Variants in REC114 observed in about 807,000 individuals in gnomAD.
REC114 encodes the protein REC114 meiotic recombination protein.
Under a neutral mutation model 31.3 loss-of-function variants are expected in REC114, and 27 were observed. The observed-to-expected ratio is 0.86, with a 90% confidence interval of 0.64 to 1.19. The LOEUF is 1.19. Ranked by LOEUF, REC114 falls within the 50% of genes most tolerant of loss-of-function variation. The probability of loss-of-function intolerance (pLI) is 0.00; values close to 1 mark genes in which losing one functional copy is unlikely to be tolerated. For missense variants in REC114, 344 were observed against 326.9 expected (o/e 1.05, Z -0.40); for synonymous variants, 134 against 127.7 (o/e 1.05, Z -0.33).
intron 3 of REC114, among the ~76,000 whole-genome samples, chr15:73,543,321 G>A (rs959327905): frequency 6.6e-5 from 10 of 152,084 alleles, no homozygotes; most frequent in East Asian, 1.9e-4. Context: ...GCCTGTTATT[G>A]TCAATGGTTT....
At chr15:73,552,563 A>C (rs1894407561) in intron 4 of REC114, among the ~76,000 whole-genome samples, 1 of 152,204 alleles carries the variant, frequency 6.6e-6, no homozygotes, top group Non-Finnish European at 1.5e-5. Flanking sequence ...AAGGCCTCAT[A>C]AGGGGTCTTG....
intron 2 of REC114, among the ~76,000 whole-genome samples, chr15:73,519,370 G>C (rs902421077): frequency 6.6e-6 from 1 of 152,120 alleles, no homozygotes; most frequent in Non-Finnish European, 1.5e-5. Flanking sequence ...GAATCTGCCA[G>C]CACCTTGATC....
At chr15:73,449,104 A>C (rs763539971) in intron 1 of REC114, among the ~76,000 whole-genome samples, 2 of 152,122 alleles carry the variant, frequency 1.3e-5, no homozygotes, top group Non-Finnish European at 2.9e-5. Flanking sequence ...AAAAGATCAC[A>C]ACGCCTCGCC....
At chr15:73,457,084 T>TTTTC (rs1422217854) in intron 1 of REC114, among the ~76,000 whole-genome samples, 1 of 150,984 alleles carries the variant, frequency 6.6e-6, no homozygotes, top group African/African-American at 2.4e-5. Flanking sequence ...TTTTTTTTTT[T>TTTTC]TTTCCAGATA....
chr15:73,553,017 G>A lies in REC114; in HGVS notation c.546+1867G>A, dbSNP rs567899578. Among the ~76,000 whole-genome samples the A allele has an allele frequency of 5.9e-5, 9 of 152,210 alleles. No individual in the cohort carries two copies. In the South Asian group the frequency reaches 1.9e-3, roughly 32 times the overall value. On this transcript the variant is annotated intron_variant, in intron 4 of 5. Transcript: ENST00000331090. ...TTTAATAGAGATGGGGTTTCATTAT[G>A]TTGGCCAAGCTGGTCTCGAACTCCT...
intron 3 of REC114, among the ~76,000 whole-genome samples, chr15:73,542,432 A>G (rs1185775927): frequency 6.6e-6 from 1 of 152,056 alleles, no homozygotes; most frequent in Non-Finnish European, 1.5e-5. Context: ...CATCTCGGTA[A>G]TTCTCCTGGC....
chr15:73,557,235 A>G (rs761082883), intron 5 of REC114, among the ~76,000 whole-genome samples: 10 of 151,512 alleles, frequency 6.6e-5, no homozygotes, highest in Admixed American at 1.3e-4. Context: ...ACGCCCAGCT[A>G]ATTTTTGTAT....
At chr15:73,498,638 A>G (rs998701621) in intron 2 of REC114, among the ~76,000 whole-genome samples, 2 of 152,192 alleles carry the variant, frequency 1.3e-5, no homozygotes, top group South Asian at 2.1e-4. Context: ...ATTTGTAACT[A>G]AAGAAAGATT....
chr15:73,554,002 C>A (rs987982686), intron 4 of REC114, among the ~76,000 whole-genome samples: 4 of 152,172 alleles, frequency 2.6e-5, no homozygotes, highest in Admixed American at 6.5e-5. Context: ...GTACCCAATA[C>A]AATGCCTGGC....
chr15:73,525,217 A>T (rs941951402), intron 2 of REC114, among the ~76,000 whole-genome samples: 14 of 152,076 alleles, frequency 9.2e-5, no homozygotes, highest in Admixed American at 3.9e-4. Context: ...TGCCTGTGGG[A>T]TCTGTTGTGC....
intron 2 of REC114, among the ~76,000 whole-genome samples, chr15:73,537,117 G>A (rs767627125): frequency 6.6e-5 from 10 of 152,264 alleles, no homozygotes; most frequent in East Asian, 5.8e-4. Flanking sequence ...CGAGCAAAAC[G>A]AACTTAGCCC....
intron 2 of REC114, among the ~76,000 whole-genome samples, chr15:73,492,168 T>C (rs1893456356): frequency 6.6e-6 from 1 of 152,192 alleles, no homozygotes; most frequent in South Asian, 2.1e-4. Context: ...TTCCAGTGAC[T>C]ACTACACACC....
chr15:73,506,945 G>C (rs1428631854), intron 2 of REC114, among the ~76,000 whole-genome samples: 1 of 152,082 alleles, frequency 6.6e-6, no homozygotes, highest in Non-Finnish European at 1.5e-5. Context: ...AAAAATTAAA[G>C]TCTTGGAGTG....
chr15:73,508,542 C>G (rs1893716368), intron 2 of REC114, among the ~76,000 whole-genome samples: 1 of 149,746 alleles, frequency 6.7e-6, no homozygotes, highest in African/African-American at 2.5e-5. Flanking sequence ...GAGCTGCACC[C>G]ACTAACTCGT....
At chr15:73,500,048 T>C (rs1294673962) in intron 2 of REC114, among the ~76,000 whole-genome samples, 1 of 152,086 alleles carries the variant, frequency 6.6e-6, no homozygotes, top group Non-Finnish European at 1.5e-5. Context: ...TTTTTCCAAC[T>C]CAGTCTTCAC....
At position 73,450,791 on chromosome 15, in the gene REC114, GT is replaced by G. The variant is rs563863451; in HGVS notation, c.159+7448del. On this transcript the variant is annotated intron_variant, in intron 1 of 5. Transcript: ENST00000331090. ...GGAAATCATAACAAACAATCTCTCA[GT>G]CCACAGTGCAATAAAATTAGAACTC... 6.8e-3 allele frequency among the ~76,000 whole-genome samples: 1,043 copies of G among 152,274 alleles called. 11 individuals carry two copies. Among genetic ancestry groups the G allele is most frequent in the African/African-American group, 0.023 (972 of 41,550 alleles).
chr15:73,532,282 A>G (rs1402452348), intron 2 of REC114, among the ~76,000 whole-genome samples: 2 of 148,170 alleles, frequency 1.3e-5, no homozygotes, highest in African/African-American at 5.0e-5. Context: ...ATGATTTCCA[A>G]TTTCATCCAT....
intron 2 of REC114, among the ~76,000 whole-genome samples, chr15:73,492,180 C>G (rs1039745062): frequency 2.0e-5 from 3 of 152,148 alleles, no homozygotes; most frequent in Non-Finnish European, 2.9e-5. Context: ...CTACACACCC[C>G]ACTCCGCAAA....
intron 2 of REC114, among the ~76,000 whole-genome samples, chr15:73,481,407 G>A (rs1330894686): frequency 6.6e-6 from 1 of 151,924 alleles, no homozygotes; most frequent in African/African-American, 2.4e-5. Context: ...CACTGCCAGA[G>A]GGCTCCATGG....
Sources: gnomAD v4.1 joint callset for allele counts (sites outside exome capture counted in the v4.1 genomes callset) on GRCh38, gnomAD v4.1.1 for gene constraint, MANE v1.5 for transcripts, NCBI Gene and HGNC (gene_info 2026-07-23, HGNC 2026-07-21) for gene names.